Variants in KIF16B observed in about 807,000 individuals in gnomAD.
KIF16B encodes the protein kinesin family member 16B.
KIF16B carries 98 observed loss-of-function variants against 156.3 expected under a neutral mutation model. That is an observed-to-expected ratio of 0.63 (90% CI 0.53 to 0.74). The LOEUF (loss-of-function observed/expected upper bound fraction) is 0.74. Ranked by LOEUF, KIF16B falls within the 30% of genes least tolerant of loss-of-function variation. KIF16B has a pLI of 0.00. For synonymous variants in KIF16B, 564 were observed against 583.7 expected (o/e 0.97, Z 0.49); for missense variants, 1,421 against 1,606.5 (o/e 0.88, Z 1.97).
chr20:16,469,211 C>T (rs1021355207), intron 12 of KIF16B, among the ~76,000 whole-genome samples: 1 of 144,226 alleles, frequency 6.9e-6, no homozygotes, highest in Admixed American at 7.3e-5. Flanking sequence ...TATGATGGTG[C>T]CACTGCACTC....
In KIF16B at chr20:16,370,585, C is replaced by A. The variant is rs1200722766; in HGVS notation, c.3498+1G>T. On this transcript the variant is annotated splice_donor_variant, in intron 22 of 25. Transcript: ENST00000354981. LOFTEE classifies it high-confidence loss of function. Reference sequence around the variant, plus strand: ...TATCAATCTGAAAAATCATTACCTACCTCATATTTTAGTTTACGTTGAATG... The same window carrying A: ...TATCAATCTGAAAAATCATTACCTAACTCATATTTTAGTTTACGTTGAATG... 3 of 1,574,534 alleles carry A rather than the reference C, an allele frequency of 1.9e-6. No homozygotes were observed. The African/African-American group carries it at 4.2e-5, about 22-fold the overall frequency.
chr20:16,508,169 T>G, intron 6 of KIF16B, 69 bp from the exon 7 acceptor site: 1 of 1,544,162 alleles, frequency 6.5e-7, no homozygotes, highest in Non-Finnish European at 8.9e-7. Flanking sequence ...AAAATTACCC[T>G]CTATGAAATA....
At position 16,338,386 on chromosome 20, in the gene KIF16B, C is replaced by A. The variant is rs1218920216; in HGVS notation, c.3622-2371G>T. Among the ~76,000 whole-genome samples, 4 of 152,172 alleles carry A rather than the reference C, an allele frequency of 2.6e-5. No homozygotes were observed. In the South Asian group the frequency reaches 6.2e-4, roughly 24 times the overall value. On this transcript the variant is annotated intron_variant, in intron 23 of 25. Coordinates refer to ENST00000354981, the MANE Select transcript of KIF16B (RefSeq NM_024704.5). ...GCTCTACCCTCCTCCTTGCAGGCAG[C>A]CATTCACCCTGGTTGCTTCCCCAAT... is the stretch of plus-strand genomic sequence containing the variant.
intron 25 of KIF16B, among the ~76,000 whole-genome samples, chr20:16,287,077 T>G (rs1267776450): frequency 6.6e-6 from 1 of 152,236 alleles, no homozygotes; most frequent in Non-Finnish European, 1.5e-5. Flanking sequence ...AAATGGTGGT[T>G]GTTTTTAAGG....
intron 12 of KIF16B, among the ~76,000 whole-genome samples, chr20:16,459,295 A>G (rs1049119360): frequency 2.0e-5 from 3 of 152,244 alleles, no homozygotes; most frequent in African/African-American, 7.2e-5. Flanking sequence ...CATAAAATAC[A>G]GAAACTATAC....
At position 16,427,381 on chromosome 20, in the gene KIF16B, T is replaced by C. The variant is rs1370273109; in HGVS notation, c.1475-140A>G. Reference sequence around the variant, plus strand: ...ATAAGTATCATGAAGTGAACATTTATGTTTAGTGAGAAAACCGAACTTCAG... The same window carrying C: ...ATAAGTATCATGAAGTGAACATTTACGTTTAGTGAGAAAACCGAACTTCAG... On this transcript the variant is annotated intron_variant, in intron 14 of 25. Coordinates refer to ENST00000354981, the MANE Select transcript of KIF16B (RefSeq NM_024704.5). 3.6e-6 allele frequency: 3 copies of C among 836,076 alleles called. No individual in the cohort carries two copies. The African/African-American group carries it at 5.2e-5, about 14-fold the overall frequency. 51.8% of individuals were successfully genotyped at this position (836,076 alleles called of 1,614,324 possible). A position where few individuals can be genotyped will look rare whatever the true frequency, so the allele number is the denominator to read the frequency against.
At chr20:16,320,250 G>T (rs766728599) in intron 24 of KIF16B, among the ~76,000 whole-genome samples, 1 of 151,844 alleles carries the variant, frequency 6.6e-6, no homozygotes, top group Admixed American at 6.6e-5. Flanking sequence ...ATAAAACCTC[G>T]CACTAAAAAT....
In KIF16B at chr20:16,281,512, G is replaced by A. The variant is rs367882910; in HGVS notation, c.3796-8101C>T. ...CAGTGTGGTCAATATGATCCATCCA[G>A]TCAAGTCTTCCCAATTCTAAACTCC... On this transcript the variant is annotated intron_variant, in intron 25 of 25. Coordinates refer to ENST00000354981, the MANE Select transcript of KIF16B (RefSeq NM_024704.5). 3.3e-5 allele frequency among the ~76,000 whole-genome samples: 5 copies of A among 152,304 alleles called. No individual in the cohort carries two copies. The East Asian group carries it at 7.7e-4, about 24-fold the overall frequency.
intron 20 of KIF16B, among the ~76,000 whole-genome samples, chr20:16,374,051 G>C (rs1156682382): frequency 1.3e-5 from 2 of 152,190 alleles, no homozygotes; most frequent in African/African-American, 4.8e-5. Flanking sequence ...TGGCTAGCCA[G>C]GTCTCAAGTC....
intron 17 of KIF16B, among the ~76,000 whole-genome samples, chr20:16,395,668 T>G (rs1036280770): frequency 3.3e-5 from 5 of 151,638 alleles, no homozygotes; most frequent in African/African-American, 1.2e-4. Context: ...ACAGAACTAA[T>G]TAGGAGCTTG....
chr20:16,312,484 T>A (rs898056501), intron 24 of KIF16B, 66 bp from the exon 25 acceptor site: 3 of 1,194,984 alleles, frequency 2.5e-6, no homozygotes, highest in Non-Finnish European at 3.7e-6. Context: ...CTATTATTAA[T>A]CTATTATTTG....
chr20:16,439,844 A>G (rs1009327948), intron 12 of KIF16B, among the ~76,000 whole-genome samples: 8 of 152,166 alleles, frequency 5.3e-5, no homozygotes, highest in Non-Finnish European at 1.2e-4. Context: ...ATTCGCTATC[A>G]TGAGAACAGC....
chr20:16,397,667 G>A (rs1430599593), intron 17 of KIF16B, among the ~76,000 whole-genome samples: 1 of 152,174 alleles, frequency 6.6e-6, no homozygotes, highest in Admixed American at 6.5e-5. Flanking sequence ...GTACTATGCA[G>A]CAATTTTTCA....
At chr20:16,460,129 A>G (rs940295016) in intron 12 of KIF16B, among the ~76,000 whole-genome samples, 10 of 152,246 alleles carry the variant, frequency 6.6e-5, no homozygotes, top group African/African-American at 2.4e-4. Flanking sequence ...TTATAGTAAC[A>G]TGCTTTTAAG....
chr20:16,449,949 T>C (rs1043692619), intron 12 of KIF16B, among the ~76,000 whole-genome samples: 9 of 152,046 alleles, frequency 5.9e-5, no homozygotes, highest in African/African-American at 2.2e-4. Flanking sequence ...GCAGAAATAC[T>C]AGAAGAAAAT....
intron 12 of KIF16B, among the ~76,000 whole-genome samples, chr20:16,453,105 C>CAA (rs35303077): frequency 0.28 from 38,549 of 137,102 alleles, 5,457 homozygotes; most frequent in African/African-American, 0.37. Flanking sequence ...CTATCTTTAC[C>CAA]AAAAAAAAAA....
intron 24 of KIF16B, among the ~76,000 whole-genome samples, chr20:16,332,725 A>G: frequency 6.6e-6 from 1 of 152,214 alleles, no homozygotes; most frequent in East Asian, 1.9e-4. Flanking sequence ...AAATTGAAGC[A>G]GAAATAAAAG....
At chr20:16,434,397 T>A (rs189380371) in intron 12 of KIF16B, among the ~76,000 whole-genome samples, 119 of 152,350 alleles carry the variant, frequency 7.8e-4, no homozygotes, top group Admixed American at 4.8e-3. Flanking sequence ...CTAGCTCTTT[T>A]AATCACAACC....
intron 25 of KIF16B, among the ~76,000 whole-genome samples, chr20:16,295,234 C>T (rs1337772340): frequency 2.0e-5 from 3 of 152,166 alleles, no homozygotes; most frequent in East Asian, 3.9e-4. Flanking sequence ...ACCATGGTGT[C>T]TCCATGGGGA....
Sources: allele counts gnomAD v4.1 joint callset (sites outside exome capture counted in the v4.1 genomes callset), GRCh38; gene constraint gnomAD v4.1.1; transcripts MANE v1.5; gene names NCBI Gene and HGNC (gene_info 2026-07-23, HGNC 2026-07-21).